CD82: variants seen among roughly 807,000 people sequenced by gnomAD.
The protein encoded by CD82 is CD82 molecule.
Under a neutral mutation model 37.4 loss-of-function variants are expected in CD82, and 36 were observed. The observed-to-expected ratio is 0.96, with a 90% CI of 0.74 to 1.27. The LOEUF (loss-of-function observed/expected upper bound fraction) is 1.27. Among genes scored for constraint, CD82 ranks in the 50% most tolerant of loss-of-function variants. The pLI, the probability that CD82 is intolerant of heterozygous loss-of-function variation, is 0.00. For synonymous variants in CD82, 158 were observed against 137.4 expected (o/e 1.15, Z -1.05); for missense variants, 340 against 347.0 (o/e 0.98, Z 0.16).
chr11:44,590,589 C>T (rs1330584335), intron 2 of CD82, among the ~76,000 whole-genome samples: 1 of 84,532 alleles, frequency 1.2e-5, no homozygotes, highest in Non-Finnish European at 2.2e-5. Context: ...CCAGCCTGGG[C>T]AACAGAGGGA....
At chr11:44,601,144 A>C (rs962639868) in intron 4 of CD82, among the ~76,000 whole-genome samples, 12 of 151,864 alleles carry the variant, frequency 7.9e-5, no homozygotes, top group Non-Finnish European at 2.9e-5. Flanking sequence ...CAGCCGTGCC[A>C]CTCCCCTCGC....
chr11:44,586,208 A>G (rs1257280158), intron 1 of CD82, among the ~76,000 whole-genome samples: 1 of 152,210 alleles, frequency 6.6e-6, no homozygotes, highest in Non-Finnish European at 1.5e-5. Flanking sequence ...GGGGCCGGGC[A>G]TCAACAACTT....
intron 1 of CD82, among the ~76,000 whole-genome samples, chr11:44,579,636 GC>G (rs1852952063): frequency 6.6e-6 from 1 of 152,076 alleles, no homozygotes. Context: ...TGGGGAGGGA[GC>G]CCTGACAGGC....
chr11:44,588,205 T>TG (rs34100863), intron 2 of CD82, among the ~76,000 whole-genome samples: 48,364 of 100,454 alleles, frequency 0.48, 8,303 homozygotes, highest in East Asian at 0.64. Flanking sequence ...AGTAGGATTT[T>TG]GGGGTTTTTT....
At chr11:44,595,416 G>A (rs1853208588) in intron 3 of CD82, among the ~76,000 whole-genome samples, 1 of 152,104 alleles carries the variant, frequency 6.6e-6, no homozygotes, top group Non-Finnish European at 1.5e-5. Context: ...TGTTGTTGGG[G>A]GGCAGTGCCC....
chr11:44,581,641 G>A (rs1477648137), intron 1 of CD82, among the ~76,000 whole-genome samples: 4 of 152,178 alleles, frequency 2.6e-5, no homozygotes, highest in Admixed American at 1.3e-4. Context: ...CTCCAGCTCC[G>A]GGCCAACCTG....
rs113805595 is a variant in CD82, at chr11:44,619,529, G to C, written c.*403G>C. ...TGTAATCCCAGCACTTTGGGAGGCC[G>C]AGGCGGGTGGATCACGAGGTCAGGA... On this transcript the variant is annotated 3_prime_UTR_variant, in exon 10 of 10. Coordinates refer to ENST00000227155, the MANE Select transcript of CD82 (RefSeq NM_002231.4). 4 of 160,626 alleles carry C rather than the reference G, an allele frequency of 2.5e-5. No individual in the cohort carries two copies. The highest frequency in any genetic ancestry group is 9.6e-5 in the African/African-American group (4 of 41,736). The allele number at this position is 160,626 out of a possible 1,614,324, so 10.0% of individuals were successfully genotyped here. A position where few individuals can be genotyped will look rare whatever the true frequency, so the allele number is the denominator to read the frequency against.
chr11:44,618,845 C>A, intron 9 of CD82, 122 bp downstream of exon 9: 1 of 904,696 alleles, frequency 1.1e-6, no homozygotes, highest in Non-Finnish European at 1.7e-6. Flanking sequence ...TCCAGAGGCC[C>A]TCTGGTCTGA....
intron 2 of CD82, among the ~76,000 whole-genome samples, chr11:44,592,999 G>T (rs1211957538): frequency 1.3e-5 from 2 of 152,148 alleles, no homozygotes; most frequent in African/African-American, 4.8e-5. Context: ...CCTTTAAAAA[G>T]GCACTTAAAG....
intron 1 of CD82, among the ~76,000 whole-genome samples, chr11:44,580,468 C>A (rs573465026): frequency 1.3e-5 from 2 of 152,210 alleles, no homozygotes; most frequent in South Asian, 4.1e-4. Context: ...TGGCTCACGC[C>A]GTAATCCCAG....
chr11:44,617,449 C>T (rs1410353492), intron 7 of CD82, among the ~76,000 whole-genome samples: 1 of 151,302 alleles, frequency 6.6e-6, no homozygotes, highest in Non-Finnish European at 1.5e-5. Flanking sequence ...ATCCCAGCTA[C>T]TCAGGAGGCT....
chr11:44,568,729 G>C (rs1218338246), intron 1 of CD82, among the ~76,000 whole-genome samples: 1 of 152,152 alleles, frequency 6.6e-6, no homozygotes, highest in African/African-American at 2.4e-5. Context: ...GGCCCCCTCT[G>C]TCTTGAGGCC....
At position 44,605,182 on chromosome 11, in the gene CD82, G is replaced by A. The variant is rs1432804787; in HGVS notation, c.261G>A (p.Leu87=). ...AVNEVRCLLG[L]YFAFLLLILI... Reference sequence around the variant, plus strand: ...ACGAGGTCCGCTGCCTGCTGGGGCTGGTGAGTACGGATCCCTCCGCAGCTG... The same window carrying A: ...ACGAGGTCCGCTGCCTGCTGGGGCTAGTGAGTACGGATCCCTCCGCAGCTG... The change falls in exon 5 of 10, where the codon CTG becomes CTA. Residue 87 remains leucine (L), a splice_region_variant and synonymous_variant. Transcript: ENST00000227155. The A allele has an allele frequency of 1.2e-6, 2 of 1,613,808 alleles. No homozygotes were observed. The highest frequency in any genetic ancestry group is 2.2e-5 in the East Asian group (1 of 44,870).
At chr11:44,569,675 C>T (rs1852787764) in intron 1 of CD82, among the ~76,000 whole-genome samples, 1 of 152,144 alleles carries the variant, frequency 6.6e-6, no homozygotes, top group Non-Finnish European at 1.5e-5. Flanking sequence ...CAGCTCCCCT[C>T]AAAGAGCACT....
chr11:44,591,438 T>G (rs1276960220), intron 2 of CD82, among the ~76,000 whole-genome samples: 1 of 152,220 alleles, frequency 6.6e-6, no homozygotes, highest in Non-Finnish European at 1.5e-5. Flanking sequence ...CCCAGCCACG[T>G]CTGCCTTGGT....
chr11:44,615,455 C>A, intron 7 of CD82, 82 bp downstream of exon 7: 1 of 845,218 alleles, frequency 1.2e-6, no homozygotes, highest in Non-Finnish European at 2.0e-6. Context: ...ATGTCTGGGA[C>A]TGGCATCTGC....
At chr11:44,570,935 G>T (rs1416619266) in intron 1 of CD82, among the ~76,000 whole-genome samples, 3 of 152,158 alleles carry the variant, frequency 2.0e-5, no homozygotes, top group Non-Finnish European at 4.4e-5. Context: ...CATCATCCAT[G>T]CAGACCCCCA....
chr11:44,595,151 AC>A (rs1853203777), intron 3 of CD82, among the ~76,000 whole-genome samples: 1 of 151,846 alleles, frequency 6.6e-6, no homozygotes, highest in South Asian at 2.1e-4. Flanking sequence ...CCCCTATCAC[AC>A]CCCCGTCCCT....
At chr11:44,614,293 C>T (rs1022948289) in intron 6 of CD82, among the ~76,000 whole-genome samples, 1 of 152,230 alleles carries the variant, frequency 6.6e-6, no homozygotes, top group African/African-American at 2.4e-5. Context: ...AGAGGCTGCA[C>T]TCTGGTCCTT....
Sources: allele counts gnomAD v4.1 joint callset (sites outside exome capture counted in the v4.1 genomes callset), GRCh38; gene constraint gnomAD v4.1.1; transcripts MANE v1.5; gene names NCBI Gene and HGNC (gene_info 2026-07-23, HGNC 2026-07-21).